DNAH8: variants seen among roughly 807,000 people sequenced by gnomAD.
DNAH8 encodes the protein dynein axonemal heavy chain 8.
In DNAH8, 382 loss-of-function variants were observed where a neutral mutation model predicts 562.1. The ratio of observed to expected loss-of-function variants is 0.68; its 90% CI spans 0.63 to 0.74. DNAH8 has a LOEUF of 0.74. Ranked by LOEUF, DNAH8 falls within the 30% of genes least tolerant of loss-of-function variation. DNAH8 has a pLI of 0.00. For missense variants in DNAH8, 5,203 were observed against 5,620.4 expected (o/e 0.93, Z 2.37); for synonymous variants, 1,881 against 1,919.4 (o/e 0.98, Z 0.52).
chr6:38,992,532 A>G (rs1271082634), intron 88 of DNAH8, among the ~76,000 whole-genome samples: 2 of 152,242 alleles, frequency 1.3e-5, no homozygotes, highest in African/African-American at 4.8e-5. Context: ...GATAAGTCTT[A>G]ATGCACTTGC....
chr6:38,716,213 G>A (rs1035121792), intron 1 of DNAH8, among the ~76,000 whole-genome samples: 1 of 149,970 alleles, frequency 6.7e-6, no homozygotes, highest in African/African-American at 2.5e-5. Flanking sequence ...CGCCCACCTC[G>A]GCCTCCCAAA....
intron 12 of DNAH8, among the ~76,000 whole-genome samples, chr6:38,772,996 T>TTTTTTTTTTGTTGTTG (rs1554205957): frequency 1.8e-5 from 2 of 109,942 alleles, no homozygotes; most frequent in African/African-American, 7.1e-5. Flanking sequence ...TTTTTTTTTT[T>TTTTTTTTTTGTTGTTG]TTGTAGAGAT....
At chr6:39,007,279 G>A (rs1196935091) in intron 88 of DNAH8, among the ~76,000 whole-genome samples, 4 of 152,130 alleles carry the variant, frequency 2.6e-5, no homozygotes, top group Non-Finnish European at 5.9e-5. Flanking sequence ...AGGTATGCAA[G>A]TATAATATTT....
Position 38,837,957 on chromosome 6 carries a change from C to T in DNAH8, c.4381C>T (p.Leu1461=). 2 of 1,612,104 alleles carry T rather than the reference C, an allele frequency of 1.2e-6. No individual in the cohort carries two copies. Among genetic ancestry groups the T allele is most frequent in the Non-Finnish European group, 1.7e-6 (2 of 1,178,784 alleles). ...LQIFQASFDD[L]WRKFVTYSSG... ...TTTGTTACAGGCCAGTTTCGATGAT[C>T]TGTGGAGGAAATTTGTTACGTATTC... Residue 1461 remains leucine (L), a synonymous_variant, in exon 33 of 93, where the codon CTG becomes TTG. Transcript: ENST00000327475.
chr6:38,778,392 A>G lies in DNAH8; in HGVS notation c.1967A>G (p.Gln656Arg). The G allele has an allele frequency of 6.5e-7, 1 of 1,530,520 alleles. No individual in the cohort carries two copies. Among genetic ancestry groups the G allele is most frequent in the Non-Finnish European group, 9.0e-7 (1 of 1,111,636 alleles). 94.8% of individuals were successfully genotyped at this position (1,530,520 alleles called of 1,614,324 possible). A position where few individuals can be genotyped will look rare whatever the true frequency, so the allele number is the denominator to read the frequency against. ...AATATTAATATTTTATTTTAGGTACAAATACAGGCATTTATGAACAGTAGT... is the reference window on the plus strand; with the variant it reads ...AATATTAATATTTTATTTTAGGTACGAATACAGGCATTTATGAACAGTAGT... ...FMTKINGLEV[Q>R]IQAFMNSSFG... Residue 656 changes from glutamine to arginine, a missense_variant, in exon 14 of 93, where the codon CAA (glutamine) becomes CGA (arginine). Transcript: ENST00000327475.
At chr6:39,025,614 C>T (rs535468387) in intron 91 of DNAH8, among the ~76,000 whole-genome samples, 1 of 152,314 alleles carries the variant, frequency 6.6e-6, no homozygotes, top group Non-Finnish European at 1.5e-5. Flanking sequence ...CAACTCTCCC[C>T]TCCCCCAACT....
intron 85 of DNAH8, among the ~76,000 whole-genome samples, chr6:38,979,802 G>T (rs888796809): frequency 2.6e-5 from 4 of 152,116 alleles, no homozygotes; most frequent in African/African-American, 9.7e-5. Context: ...AGTAATTGGA[G>T]TTATTTTTCA....
At chr6:38,833,395 A>G (rs1774011955) in intron 31 of DNAH8, among the ~76,000 whole-genome samples, 1 of 152,062 alleles carries the variant, frequency 6.6e-6, no homozygotes, top group Admixed American at 6.6e-5. Context: ...TGTACTAAAC[A>G]TATCTGTTGA....
At chr6:38,850,664 A>G (rs1775670104) in intron 38 of DNAH8, among the ~76,000 whole-genome samples, 2 of 152,210 alleles carry the variant, frequency 1.3e-5, no homozygotes, top group African/African-American at 2.4e-5. Flanking sequence ...AGCAACAGAA[A>G]TTCATTCTCA....
At chr6:38,935,806 C>A in intron 77 of DNAH8, 109 bp downstream of exon 77, 1 of 763,442 alleles carries the variant, frequency 1.3e-6, no homozygotes, top group Non-Finnish European at 2.0e-6. Flanking sequence ...CTCATGTTAT[C>A]AATGCAAAAA....
chr6:38,781,856 C>G (rs1768647414), intron 16 of DNAH8, among the ~76,000 whole-genome samples: 1 of 152,088 alleles, frequency 6.6e-6, no homozygotes, highest in Non-Finnish European at 1.5e-5. Context: ...TATTAGATTT[C>G]TGAAAAACAG....
chr6:38,777,036 C>T (rs1306521616), intron 13 of DNAH8, among the ~76,000 whole-genome samples: 5 of 152,158 alleles, frequency 3.3e-5, no homozygotes, highest in South Asian at 2.1e-4. Context: ...CTACATTACA[C>T]GTAACCTGGG....
intron 82 of DNAH8, among the ~76,000 whole-genome samples, chr6:38,971,328 C>T (rs972823094): frequency 3.9e-5 from 6 of 152,264 alleles, no homozygotes; most frequent in South Asian, 2.1e-4. Context: ...GAATCTCAAA[C>T]TCTCTAAAAG....
At chr6:38,989,117 G>A (rs912026880) in intron 87 of DNAH8, among the ~76,000 whole-genome samples, 3 of 152,178 alleles carry the variant, frequency 2.0e-5, no homozygotes, top group African/African-American at 7.2e-5. Flanking sequence ...AAAAAGAGCT[G>A]GAGGAAGGAG....
At chr6:38,903,787 T>C (rs1780248191) in intron 62 of DNAH8, among the ~76,000 whole-genome samples, 1 of 151,912 alleles carries the variant, frequency 6.6e-6, no homozygotes, top group South Asian at 2.1e-4. Flanking sequence ...CATTTTTGTA[T>C]TTTTAGTAGA....
rs1284750534 is a variant in DNAH8 at position 39,012,206 on chromosome 6, T to A, written c.13372-9T>A. 4 of 1,587,118 alleles carry A rather than the reference T, an allele frequency of 2.5e-6. No individual in the cohort carries two copies. Among genetic ancestry groups the A allele is most frequent in the Non-Finnish European group, 3.4e-6 (4 of 1,162,584 alleles). ...AATCTCCTTTATTGCATTGTTTACTTTGTTTTAGGTGAAATCTCGTTTGAT... is the reference window on the plus strand; with the variant it reads ...AATCTCCTTTATTGCATTGTTTACTATGTTTTAGGTGAAATCTCGTTTGAT... On this transcript the variant is annotated splice_polypyrimidine_tract_variant and intron_variant, in intron 89 of 92. Transcript: ENST00000327475.
intron 21 of DNAH8, among the ~76,000 whole-genome samples, chr6:38,794,560 C>T (rs1463372048): frequency 6.6e-6 from 1 of 152,194 alleles, no homozygotes; most frequent in Non-Finnish European, 1.5e-5. Context: ...CAGCCAGTTA[C>T]ACTTCCTTCC....
In DNAH8 at chr6:38,898,335, T is replaced by G. The variant is rs1440860300; in HGVS notation, c.9018T>G (p.Ser3006=). 1 of 1,586,750 alleles carries G rather than the reference T, an allele frequency of 6.3e-7. No homozygotes were observed. The highest frequency in any genetic ancestry group is 1.2e-5 in the South Asian group (1 of 83,688). Residue 3006 remains serine (S), a synonymous_variant, in exon 61 of 93, where the codon TCT becomes TCG. Coordinates refer to ENST00000327475, the MANE Select transcript of DNAH8 (RefSeq NM_001206927.2). The stretch of plus-strand genomic sequence containing the variant: ...TCAATGAAATCATTAGAGGAACATC[T>G]CTTGATCTGGTGTTTTTTAAAGATG... ...RQFNEIIRGT[S]LDLVFFKDAM...
chr6:38,822,811 T>G (rs1309825411), intron 26 of DNAH8, 27 bp from the exon 27 acceptor site: 3 of 1,479,998 alleles, frequency 2.0e-6, no homozygotes, highest in African/African-American at 1.4e-5. Flanking sequence ...TAGAAGTTAT[T>G]TATAGTGTAA....
Sources: allele counts gnomAD v4.1 joint callset (sites outside exome capture counted in the v4.1 genomes callset), GRCh38; gene constraint gnomAD v4.1.1; transcripts MANE v1.5; gene names NCBI Gene and HGNC (gene_info 2026-07-23, HGNC 2026-07-21).